Variants in SFTPC observed in about 807,000 individuals in gnomAD.
SFTPC encodes surfactant protein C, also known as BRICHOS domain containing 6.
A neutral mutation model predicts 19.9 loss-of-function variants in SFTPC; 12 were observed. The ratio of observed to expected loss-of-function variants is 0.60; its 90% CI spans 0.39 to 0.98. The LOEUF is 0.98. Ranked by LOEUF, SFTPC falls within the 50% of genes least tolerant of loss-of-function variation. SFTPC has a pLI of 0.00. For missense variants in SFTPC, 219 were observed against 252.2 expected, an observed-to-expected ratio of 0.87 and a Z score of 0.89; for synonymous variants, 123 against 103.3, an observed-to-expected ratio of 1.19 and a Z score of -1.16.
chr8:22,163,302 C>G (rs536340898), intron 3 of SFTPC, 100 bp downstream of exon 3: 1 of 1,571,710 alleles, frequency 6.4e-7, no homozygotes, highest in Admixed American at 1.7e-5. Flanking sequence ...TCCCTCTCCT[C>G]CAGACCTTTT....
At chr8:22,161,655 C>T (rs1429241591), upstream of SFTPC, 15 of 1,588,426 alleles carry the variant, frequency 9.4e-6, no homozygotes, top group Admixed American at 2.6e-4. Context: ...TCACAGGGGG[C>T]TTATCTGGGC....
In SFTPC at chr8:22,162,840, A is replaced by G. The variant is rs8192328; in HGVS notation, c.201+108A>G. ...CAAGGGGAGTGGAGGGGAGGAGGCA[A>G]GGGGCACAGCTAGAAGGAAAGAGGC... On this transcript the variant is annotated intron_variant, in intron 2 of 5. Coordinates refer to ENST00000679463, the MANE Select transcript of SFTPC (RefSeq NM_001317778.2). 3,164 of 1,466,076 alleles carry G rather than the reference A, an allele frequency of 2.2e-3. 50 individuals are homozygous for G. In the African/African-American group the frequency reaches 0.031, roughly 14 times the overall value. The allele number at this position is 1,466,076 out of a possible 1,614,324, so 90.8% of individuals were successfully genotyped here.
At chr8:22,164,167 G>T in intron 5 of SFTPC, 99 bp from the exon 6 acceptor site, 1 of 1,544,312 alleles carries the variant, frequency 6.5e-7, no homozygotes, top group Non-Finnish European at 8.7e-7. Context: ...CACTGAAGCG[G>T]GGTCATCCAG....
upstream of SFTPC, among the ~76,000 whole-genome samples, chr8:22,158,127 A>G (rs1474034492): frequency 6.6e-6 from 1 of 152,220 alleles, no homozygotes; most frequent in East Asian, 1.9e-4. Context: ...CTGGGCTTCT[A>G]GTCTTGTGCT....
At position 22,163,875 on chromosome 8, in the gene SFTPC, C is replaced by G. The variant is rs2070687; in HGVS notation, c.436-26C>G. The G allele has an allele frequency of 0.26, 408,806 of 1,596,378 alleles. 53,717 individuals are homozygous for G. The highest frequency in any genetic ancestry group is 0.36 in the Admixed American group (21,283 of 59,940). On this transcript the variant is annotated intron_variant, in intron 4 of 5. Transcript: ENST00000679463. ...ACATGGGATAGAAACTCACTTCCTA[C>G]ATTCCAGATGGAATGCTCTCTGCAG... is the stretch of plus-strand genomic sequence containing the variant.
chr8:22,161,670 G>A, upstream of SFTPC: 1 of 1,600,516 alleles, frequency 6.2e-7, no homozygotes, highest in Non-Finnish European at 8.5e-7. Context: ...CTGGGCTTCG[G>A]TTCTGGAGGG....
chr8:22,161,652 G>C, upstream of SFTPC: 2 of 1,586,548 alleles, frequency 1.3e-6, no homozygotes, highest in Non-Finnish European at 8.6e-7. Flanking sequence ...CTCTCACAGG[G>C]GGCTTATCTG....
chr8:22,163,264 G>T, intron 3 of SFTPC, 62 bp downstream of exon 3: 1 of 1,609,436 alleles, frequency 6.2e-7, no homozygotes, highest in Non-Finnish European at 8.5e-7. Flanking sequence ...GAGCCACCCA[G>T]CTGGGCCACT....
Position 22,162,600 on chromosome 8 carries a change from A to T in SFTPC, c.69A>T (p.Arg23=), listed in dbSNP as rs1410152662. Residue 23 remains arginine (R), a synonymous_variant, in exon 2 of 6, where the codon CGA becomes CGT. Transcript: ENST00000679463. ...PPDYSAAPRG[R]FGIPCCPVHL... Reference sequence around the variant, plus strand: ...ACTACTCCGCAGCTCCCCGGGGCCGATTTGGCATTCCCTGCTGCCCAGTGC... The same window carrying T: ...ACTACTCCGCAGCTCCCCGGGGCCGTTTTGGCATTCCCTGCTGCCCAGTGC... The T allele has an allele frequency of 6.2e-7, 1 of 1,614,034 alleles. No homozygotes were observed. The highest frequency in any genetic ancestry group is 8.5e-7 in the Non-Finnish European group (1 of 1,179,996).
upstream of SFTPC, among the ~76,000 whole-genome samples, chr8:22,161,480 C>T (rs1293112889): frequency 6.6e-6 from 1 of 152,156 alleles, no homozygotes; most frequent in African/African-American, 2.4e-5. Context: ...AGGAAAGCCA[C>T]AGGGCAGCAG....
rs531634308 is a variant in SFTPC, at chr8:22,163,983, C to T, written c.518C>T (p.Ala173Val). The change falls in exon 5 of 6, where the codon GCC (alanine) becomes GTC (valine). Residue 173 changes from alanine to valine, a missense_variant. By Grantham distance (64) the Ala-to-Val change is moderately conservative. Transcript: ENST00000679463. Reference sequence around the variant, plus strand: ...TCAGCACCCTCCGGAGGGGACCCGGCCTTCCTGGGCATGGCCGTGAGCACC... The same window carrying T: ...TCAGCACCCTCCGGAGGGGACCCGGTCTTCCTGGGCATGGCCGTGAGCACC... ...AGSAPSGGDPAFLGMAVSTLC... is the reference protein window; with the variant it reads ...AGSAPSGGDPVFLGMAVSTLC... 2 of 1,612,764 alleles carry T rather than the reference C, an allele frequency of 1.2e-6. No individual in the cohort carries two copies. The highest frequency in any genetic ancestry group is 2.7e-5 in the African/African-American group (2 of 75,034).
chr8:22,159,495 G>A (rs1827630690), upstream of SFTPC: 3 of 341,598 alleles, frequency 8.8e-6, no homozygotes, highest in Non-Finnish European at 1.7e-5. Context: ...CCTTCACTTG[G>A]TTGGTGTGAG....
intron 3 of SFTPC, 37 bp from the exon 4 acceptor site, chr8:22,163,399 A>G (rs368155404): frequency 1.3e-6 from 2 of 1,576,144 alleles, no homozygotes; most frequent in Non-Finnish European, 1.7e-6. Flanking sequence ...AGAGCAGGGC[A>G]GGGACCCCCG....
At position 22,164,000 on chromosome 8, in the gene SFTPC, G is replaced by C; in HGVS notation, c.535G>C (p.Val179Leu). ...GGDPAFLGMA[V>L]STLCGEVPLY... ...GGACCCGGCCTTCCTGGGCATGGCCGTGAGCACCCTGTGTGGCGAGGTGCC... is the reference window on the plus strand; with the variant it reads ...GGACCCGGCCTTCCTGGGCATGGCCCTGAGCACCCTGTGTGGCGAGGTGCC... The change falls in exon 5 of 6, where the codon GTG (valine) becomes CTG (leucine). Residue 179 changes from valine to leucine, a missense_variant. By Grantham distance (32) the Val-to-Leu change is conservative. Coordinates refer to ENST00000679463, the MANE Select transcript of SFTPC (RefSeq NM_001317778.2). 2 of 1,612,540 alleles carry C rather than the reference G, an allele frequency of 1.2e-6. No individual in the cohort carries two copies. The highest frequency in any genetic ancestry group is 1.7e-6 in the Non-Finnish European group (2 of 1,180,030).
upstream of SFTPC, among the ~76,000 whole-genome samples, chr8:22,161,209 A>T (rs1324492515): frequency 6.6e-6 from 1 of 152,184 alleles, no homozygotes. Context: ...TGAGGTTGGT[A>T]CCAGATATGT....
rs1347904748 is a variant in SFTPC at position 22,163,459 on chromosome 8, C to A, written c.348C>A (p.Ala116=). 1.2e-6 allele frequency: 2 copies of A among 1,613,934 alleles called. No individual in the cohort carries two copies. Among genetic ancestry groups the A allele is most frequent in the African/African-American group, 1.3e-5 (1 of 74,928 alleles). ...YQQLLIAYKP[A]PGTCCYIMKI... is the part of the protein sequence containing the mutation. ...AGCTGCTGATCGCCTACAAGCCAGC[C>A]CCTGGCACCTGCTGCTACATCATGA... Residue 116 remains alanine, a synonymous_variant, in exon 4 of 6, where the codon GCC becomes GCA. Transcript: ENST00000679463.
intron 2 of SFTPC, 41 bp downstream of exon 2, chr8:22,162,773 C>G (rs779705163): frequency 6.8e-6 from 11 of 1,611,320 alleles, no homozygotes; most frequent in Non-Finnish European, 8.5e-6. Context: ...ACAGGACATG[C>G]CAGACAGCGG....
intron 5 of SFTPC, 47 bp from the exon 6 acceptor site, chr8:22,164,219 C>A: frequency 2.6e-6 from 4 of 1,515,850 alleles, no homozygotes; most frequent in Non-Finnish European, 3.5e-6. Context: ...GTACTTCCCA[C>A]TCCCCTGATT....
intron 1 of SFTPC, among the ~76,000 whole-genome samples, chr8:22,162,145 G>A (rs1396838098): frequency 6.6e-6 from 1 of 152,150 alleles, no homozygotes; most frequent in African/African-American, 2.4e-5. Flanking sequence ...GAAGTCAGGG[G>A]ACACTTCTCA....
Sources: gnomAD v4.1 joint callset for allele counts (sites outside exome capture counted in the v4.1 genomes callset) on GRCh38, gnomAD v4.1.1 for gene constraint, MANE v1.5 for transcripts, NCBI Gene and HGNC (gene_info 2026-07-23, HGNC 2026-07-21) for gene names.